The following AKAP9 variants were observed in gnomAD, a reference collection of about 807,000 sequenced individuals.
AKAP9 encodes the protein A-kinase anchor protein 9.
A neutral mutation model predicts 488.5 loss-of-function variants in AKAP9; 311 were observed. The observed-to-expected ratio is 0.64, with a 90% CI of 0.58 to 0.70. The LOEUF (loss-of-function observed/expected upper bound fraction) is 0.70. Ranked by LOEUF, AKAP9 falls within the 30% of genes least tolerant of loss-of-function variation. AKAP9 has a pLI of 0.00. For missense variants in AKAP9, 4,215 were observed against 4,374.5 expected (o/e 0.96, Z 1.03); for synonymous variants, 1,462 against 1,483.5 (o/e 0.99, Z 0.33).
chr7:91,970,579 A>G, intron 1 of AKAP9: 1 of 440,786 alleles, frequency 2.3e-6, no homozygotes, highest in South Asian at 1.7e-5. Context: ...TTGTATTTGA[A>G]GGATAGCTTT....
chr7:92,092,997 G>A (rs1815896011), intron 38 of AKAP9, 100 bp from the exon 39 acceptor site: 2 of 1,035,398 alleles, frequency 1.9e-6, no homozygotes, highest in African/African-American at 1.6e-5. Context: ...TTCCTTTGAA[G>A]TAATCTCCTT....
In AKAP9 at chr7:91,986,354, G is replaced by A. The variant is rs537564513; in HGVS notation, c.352-5804G>A. On this transcript the variant is annotated intron_variant, in intron 3 of 49. Coordinates refer to ENST00000356239, the MANE Select transcript of AKAP9 (RefSeq NM_005751.5). Reference sequence around the variant, plus strand: ...ATCCTCCAACCCCTTACTCTTCCTGGGTGAGGCGATGCCCTGCCCTGCTTC... The same window carrying A: ...ATCCTCCAACCCCTTACTCTTCCTGAGTGAGGCGATGCCCTGCCCTGCTTC... Among the ~76,000 whole-genome samples the A allele has an allele frequency of 7.9e-5, 12 of 152,216 alleles. No homozygotes were observed. The South Asian group carries it at 1.9e-3, about 24-fold the overall frequency.
chr7:92,049,166 A>G (rs1251546477), intron 21 of AKAP9, among the ~76,000 whole-genome samples: 1 of 152,220 alleles, frequency 6.6e-6, no homozygotes, highest in Non-Finnish European at 1.5e-5. Context: ...ATCATTTACT[A>G]TGTTTTAAGA....
At chr7:92,045,920 G>T (rs570181505) in intron 21 of AKAP9, among the ~76,000 whole-genome samples, 1 of 140,084 alleles carries the variant, frequency 7.1e-6, no homozygotes, top group East Asian at 2.1e-4. Flanking sequence ...TGCAACCTCT[G>T]TCTCCCGGGT....
chr7:92,057,384 C>T (rs994679866), intron 22 of AKAP9, among the ~76,000 whole-genome samples: 1 of 152,074 alleles, frequency 6.6e-6, no homozygotes, highest in Admixed American at 6.6e-5. Context: ...AAAACACCAG[C>T]TTATCTTACA....
At chr7:92,012,311 A>T in intron 8 of AKAP9, 118 bp from the exon 9 acceptor site, 2 of 889,692 alleles carry the variant, frequency 2.2e-6, no homozygotes, top group Non-Finnish European at 3.4e-6. Flanking sequence ...AAAAAAAATT[A>T]GACTTCAGTT....
rs151273458 is a variant in AKAP9 at position 92,102,254 on chromosome 7, T to G, written c.11098-340T>G. ...TAGCTCTGTACAATTAAAAAAAAAA[T>G]TGGGATGACAAAAATATTTGCAATT... On this transcript the variant is annotated intron_variant, in intron 45 of 49. Transcript: ENST00000356239. Among the ~76,000 whole-genome samples the G allele has an allele frequency of 4.9e-3, 735 of 148,628 alleles. 6 individuals carry two copies. The highest frequency in any genetic ancestry group is 0.017 in the African/African-American group (707 of 40,634).
rs1382972335 is a variant in AKAP9, at chr7:92,107,324, T to G, written c.11448T>G (p.Ser3816=). The part of the protein sequence containing the change: ...GAEKTDSFYH[S]SGGLELYGEP... The stretch of plus-strand genomic sequence containing the variant: ...AAAAGACTGACTCATTTTATCATTC[T>G]TCTGGTGGGCTGGAGTTATATGGAG... Residue 3816 remains serine, a synonymous_variant, in exon 48 of 50, where the codon TCT becomes TCG. Transcript: ENST00000356239. The G allele has an allele frequency of 1.2e-6, 2 of 1,613,876 alleles. No homozygotes were observed. The highest frequency in any genetic ancestry group is 2.7e-5 in the African/African-American group (2 of 74,902).
intron 1 of AKAP9, among the ~76,000 whole-genome samples, chr7:91,958,439 G>A (rs1339366661): frequency 1.3e-5 from 2 of 152,098 alleles, no homozygotes; most frequent in Non-Finnish European, 2.9e-5. Context: ...GGTAGATAAC[G>A]TTAGGGGTAA....
chr7:91,974,828 A>G (rs1462967090), intron 2 of AKAP9, among the ~76,000 whole-genome samples: 1 of 151,566 alleles, frequency 6.6e-6, no homozygotes, highest in Non-Finnish European at 1.5e-5. Context: ...TATACTCTCA[A>G]GCATTTTATT....
chr7:92,015,900 G>C (rs1186985530), intron 10 of AKAP9, among the ~76,000 whole-genome samples: 1 of 152,092 alleles, frequency 6.6e-6, no homozygotes, highest in Non-Finnish European at 1.5e-5. Flanking sequence ...AAAAATTATA[G>C]TTTTGTGCAA....
chr7:92,104,508 T>A (rs1818209905), intron 46 of AKAP9, among the ~76,000 whole-genome samples: 1 of 152,114 alleles, frequency 6.6e-6, no homozygotes, highest in African/African-American at 2.4e-5. Context: ...TCTAAAAATA[T>A]GGCACAGTTT....
intron 22 of AKAP9, among the ~76,000 whole-genome samples, chr7:92,056,448 C>A (rs1377980381): frequency 6.6e-6 from 1 of 151,762 alleles, no homozygotes; most frequent in Admixed American, 6.6e-5. Flanking sequence ...CCACTAAAGT[C>A]ACATTTAGCT....
At chr7:92,028,379 G>A (rs868400233) in intron 14 of AKAP9, among the ~76,000 whole-genome samples, 2 of 149,802 alleles carry the variant, frequency 1.3e-5, no homozygotes, top group African/African-American at 4.9e-5. Flanking sequence ...CATAATGACC[G>A]GATAGATAAT....
intron 2 of AKAP9, 52 bp downstream of exon 2, chr7:91,974,020 C>A: frequency 6.2e-7 from 1 of 1,601,056 alleles, no homozygotes; most frequent in South Asian, 1.1e-5. Flanking sequence ...GGAAAGTAGT[C>A]ATAACAACAG....
intron 33 of AKAP9, 54 bp downstream of exon 33, chr7:92,083,709 A>C (rs763909352): frequency 1.9e-6 from 3 of 1,577,920 alleles, no homozygotes. Flanking sequence ...TTTTAAAAAA[A>C]AAAAATCAGT....
At position 92,080,119 on chromosome 7, in the gene AKAP9, G is replaced by C; in HGVS notation, c.7986G>C (p.Lys2662Asn). Residue 2662 changes from lysine to asparagine, a missense_variant, in exon 31 of 50, where the codon AAG becomes AAC. Around this residue, in one of 5 missense-constraint regions of AKAP9, gnomAD observed 1,476 missense variants for 1,477.4 expected, o/e 1.00. Coordinates refer to ENST00000356239, the MANE Select transcript of AKAP9 (RefSeq NM_005751.5). ...GNEKKQREKE[K>N]KRSPQDVEVL... ...AGAAAAAACAGAGAGAGAAAGAAAA[G>C]AAAAGAAGCCCTCAAGATGTTGAAG... 6.3e-7 allele frequency: 1 copy of C among 1,592,896 alleles called. No homozygotes were observed. Among genetic ancestry groups the C allele is most frequent in the Admixed American group, 1.8e-5 (1 of 56,408 alleles).
At chr7:92,074,240 A>G (rs1015403932) in intron 28 of AKAP9, among the ~76,000 whole-genome samples, 1 of 152,234 alleles carries the variant, frequency 6.6e-6, no homozygotes, top group Non-Finnish European at 1.5e-5. Context: ...GAAGACATTT[A>G]TATGGCCAAA....
intron 3 of AKAP9, among the ~76,000 whole-genome samples, chr7:91,987,335 T>C (rs1797225621): frequency 6.6e-6 from 1 of 151,788 alleles, no homozygotes; most frequent in Admixed American, 6.6e-5. Context: ...AGGAAAATTG[T>C]TTGAATCTGG....
Sources: allele counts gnomAD v4.1 joint callset (sites outside exome capture counted in the v4.1 genomes callset), GRCh38; gene constraint gnomAD v4.1.1; regional missense constraint gnomAD v4.1.1; transcripts MANE v1.5; gene names NCBI Gene and HGNC (gene_info 2026-07-23, HGNC 2026-07-21).